The following TOX variants were observed in gnomAD, a reference collection of about 807,000 sequenced individuals.
TOX encodes the protein thymocyte selection-associated high mobility group box protein TOX.
In TOX, 11 loss-of-function variants were observed where a neutral mutation model predicts 53.7. That is an observed-to-expected ratio of 0.20 (90% CI 0.13 to 0.34). The LOEUF (loss-of-function observed/expected upper bound fraction) is 0.34, where lower values mean the gene tolerates loss of function less well. TOX is among the 10% of genes least tolerant of loss of function. The pLI, the probability that TOX is intolerant of heterozygous loss-of-function variation, is 1.00. For synonymous variants in TOX, 225 were observed against 245.3 expected (o/e 0.92, Z 0.77); for missense variants, 570 against 664.6 (o/e 0.86, Z 1.56).
intron 1 of TOX, among the ~76,000 whole-genome samples, chr8:58,976,396 G>A (rs898418455): frequency 6.6e-6 from 1 of 152,114 alleles, no homozygotes; most frequent in African/African-American, 2.4e-5. Context: ...GCATGTTTAG[G>A]CTCTACTTCT....
chr8:59,016,882 T>C (rs189057070), intron 1 of TOX, among the ~76,000 whole-genome samples: 7 of 152,394 alleles, frequency 4.6e-5, no homozygotes, highest in Admixed American at 2.0e-4. Context: ...TTTCTACTTA[T>C]GACTTTTATA....
chr8:58,937,490 C>T (rs1223983025), intron 3 of TOX, among the ~76,000 whole-genome samples: 2 of 152,072 alleles, frequency 1.3e-5, no homozygotes, highest in African/African-American at 4.8e-5. Context: ...CCAAATGTGC[C>T]ATTTGAGGAT....
At chr8:59,035,931 C>T (rs1814449998) in intron 1 of TOX, among the ~76,000 whole-genome samples, 1 of 152,224 alleles carries the variant, frequency 6.6e-6, no homozygotes, top group Admixed American at 6.5e-5. Flanking sequence ...GAGGTGGTTA[C>T]TATTATCCTC....
At chr8:58,995,406 C>T (rs1038597329) in intron 1 of TOX, among the ~76,000 whole-genome samples, 2 of 152,160 alleles carry the variant, frequency 1.3e-5, no homozygotes, top group Non-Finnish European at 2.9e-5. Flanking sequence ...CTTAAGAGAG[C>T]AAACTGCAAA....
intron 1 of TOX, among the ~76,000 whole-genome samples, chr8:59,050,528 A>T (rs925560745): frequency 6.6e-6 from 1 of 152,126 alleles, no homozygotes; most frequent in African/African-American, 2.4e-5. Flanking sequence ...TTTTATTGAA[A>T]TTTTTTTCTA....
At chr8:59,032,511 A>G (rs1585976296) in intron 1 of TOX, among the ~76,000 whole-genome samples, 1 of 152,272 alleles carries the variant, frequency 6.6e-6, no homozygotes, top group African/African-American at 2.4e-5. Context: ...ACTTCTGCCC[A>G]TGCCATCACC....
rs76563217 is a variant in TOX, at chr8:58,901,791, T to C, written c.411+37511A>G. 1.9e-3 allele frequency among the ~76,000 whole-genome samples: 290 copies of C among 152,272 alleles called. 6 individuals are homozygous for C. In the East Asian group the frequency reaches 0.051, roughly 27 times the overall value. On this transcript the variant is annotated intron_variant, in intron 3 of 8. Transcript: ENST00000361421. ...AAGCTAGATCAGGATGGTTTATAAATATGTGGTACATACAAGTTGAAATGT... is the reference window on the plus strand; with the variant it reads ...AAGCTAGATCAGGATGGTTTATAAACATGTGGTACATACAAGTTGAAATGT...
At chr8:59,103,367 G>A (rs538898067) in intron 1 of TOX, among the ~76,000 whole-genome samples, 10 of 152,312 alleles carry the variant, frequency 6.6e-5, no homozygotes, top group Non-Finnish European at 1.5e-4. Context: ...AGAGTATTAT[G>A]TTGTGTCATG....
rs1375377585 is a variant in TOX at position 58,939,378 on chromosome 8, T to G, written c.335A>C (p.Asn112Thr). 6.2e-7 allele frequency: 1 copy of G among 1,613,944 alleles called. No individual in the cohort carries two copies. The highest frequency in any genetic ancestry group is 8.5e-7 in the Non-Finnish European group (1 of 1,180,022). ...HNGLLPFHPQ[N>T]MDLPEITVSN... ...GACTGTGATTTCAGGGAGGTCCATG[T>G]TTTGTGGATGAAATGGTAGCAGGCC... Residue 112 changes from asparagine to threonine, a missense_variant, in exon 3 of 9, where the codon AAC becomes ACC. By Grantham distance (65) the Asn-to-Thr change is moderately conservative (BLOSUM62 0). This residue lies in a region of TOX where 282 missense variants were observed against 315.0 expected (regional missense o/e 0.90). Transcript: ENST00000361421.
At chr8:59,068,536 A>G (rs1804137419) in intron 1 of TOX, among the ~76,000 whole-genome samples, 1 of 152,206 alleles carries the variant, frequency 6.6e-6, no homozygotes, top group Non-Finnish European at 1.5e-5. Flanking sequence ...GAGAAAAGGG[A>G]AAGTAAAAAG....
At chr8:59,049,430 C>T (rs1268228874) in intron 1 of TOX, among the ~76,000 whole-genome samples, 1 of 152,048 alleles carries the variant, frequency 6.6e-6, no homozygotes, top group African/African-American at 2.4e-5. Context: ...CTGAAAAGAT[C>T]TAGAACTTCA....
intron 1 of TOX, among the ~76,000 whole-genome samples, chr8:59,000,450 A>T (rs1201608216): frequency 6.6e-6 from 1 of 152,230 alleles, no homozygotes; most frequent in Non-Finnish European, 1.5e-5. Flanking sequence ...ATGCTATAGA[A>T]AAATGCAATT....
intron 3 of TOX, among the ~76,000 whole-genome samples, chr8:58,921,494 G>T (rs566995769): frequency 2.0e-5 from 3 of 152,200 alleles, no homozygotes; most frequent in African/African-American, 7.2e-5. Flanking sequence ...TGGTGTTAAG[G>T]CCCATATAAG....
intron 1 of TOX, among the ~76,000 whole-genome samples, chr8:59,010,434 AC>A (rs1813882872): frequency 6.6e-6 from 1 of 152,212 alleles, no homozygotes; most frequent in Admixed American, 6.5e-5. Context: ...AATATTGCAT[AC>A]GATTTTAAGA....
chr8:58,987,471 T>TA (rs1813354214), intron 1 of TOX, among the ~76,000 whole-genome samples: 1 of 152,188 alleles, frequency 6.6e-6, no homozygotes, highest in Admixed American at 6.5e-5. Flanking sequence ...TCGTTTGTAA[T>TA]ATAGATGGCA....
At chr8:59,103,429 G>T (rs1001736685) in intron 1 of TOX, among the ~76,000 whole-genome samples, 1 of 152,222 alleles carries the variant, frequency 6.6e-6, no homozygotes, top group Admixed American at 6.5e-5. Context: ...CTATAGAACA[G>T]CAAAGACTAT....
At chr8:59,063,549 G>A (rs113827449) in intron 1 of TOX, among the ~76,000 whole-genome samples, 2 of 148,870 alleles carry the variant, frequency 1.3e-5, no homozygotes, top group South Asian at 2.2e-4. Flanking sequence ...TCAGCCTCCC[G>A]AGTAGCTGGA....
chr8:58,837,731 A>G (rs888505551), intron 5 of TOX, among the ~76,000 whole-genome samples: 1 of 152,218 alleles, frequency 6.6e-6, no homozygotes, highest in Admixed American at 6.5e-5. Flanking sequence ...AAGTGCTGAA[A>G]AGAGGTGTGG....
intron 3 of TOX, among the ~76,000 whole-genome samples, chr8:58,921,065 G>A (rs1249184252): frequency 7.1e-6 from 1 of 140,202 alleles, no homozygotes; most frequent in Admixed American, 7.1e-5. Context: ...GTGGAGACAC[G>A]GAGTTAAGAA....
Sources: gnomAD v4.1 joint callset for allele counts (sites outside exome capture counted in the v4.1 genomes callset) on GRCh38, gnomAD v4.1.1 for gene constraint, gnomAD v4.1.1 regional missense constraint, MANE v1.5 for transcripts, NCBI Gene and HGNC (gene_info 2026-07-23, HGNC 2026-07-21) for gene names.